The following SUCLG2 variants were observed in gnomAD, a reference collection of about 807,000 sequenced individuals.
SUCLG2 encodes the protein succinate-CoA ligase GDP-forming subunit beta.
A neutral mutation model predicts 47.9 loss-of-function variants in SUCLG2; 42 were observed. The ratio of observed to expected loss-of-function variants is 0.88; its 90% CI spans 0.69 to 1.14. The LOEUF (loss-of-function observed/expected upper bound fraction) is 1.14. SUCLG2 is among the 50% of genes most tolerant of loss of function. The pLI is 0.00. For missense variants in SUCLG2, 571 were observed against 525.9 expected (o/e 1.09, Z -0.84); for synonymous variants, 195 against 197.3 (o/e 0.99, Z 0.10).
chr3:67,475,988 CCT>C (rs113119377), intron 9 of SUCLG2, among the ~76,000 whole-genome samples: 3,413 of 145,150 alleles, frequency 0.024, 120 homozygotes, highest in African/African-American at 0.076. Context: ...TTTCCTTCTC[CCT>C]CTCTCTCTCT....
At chr3:67,597,854 C>T (rs1045527149) in intron 2 of SUCLG2, among the ~76,000 whole-genome samples, 1 of 151,970 alleles carries the variant, frequency 6.6e-6, no homozygotes, top group East Asian at 2.0e-4. Context: ...AGGAGAATCG[C>T]TTGAACCTGG....
At chr3:67,654,095 T>C (rs544983832) in intron 1 of SUCLG2, among the ~76,000 whole-genome samples, 1 of 152,314 alleles carries the variant, frequency 6.6e-6, no homozygotes, top group South Asian at 2.1e-4. Context: ...TATCACGTGG[T>C]CTAAACGTGC....
intron 9 of SUCLG2, among the ~76,000 whole-genome samples, chr3:67,458,708 A>G (rs1453563530): frequency 6.6e-6 from 1 of 152,208 alleles, no homozygotes; most frequent in African/African-American, 2.4e-5. Flanking sequence ...CCAACTGCCC[A>G]GGCCATCTGA....
chr3:67,606,325 A>G (rs7627391), intron 2 of SUCLG2, among the ~76,000 whole-genome samples: 74,328 of 152,112 alleles, frequency 0.49, 19,092 homozygotes, highest in African/African-American at 0.64. Context: ...CACTAAGTGC[A>G]TATCTCCAGG....
chr3:67,571,268 G>A (rs1707600086), intron 2 of SUCLG2, among the ~76,000 whole-genome samples: 1 of 152,128 alleles, frequency 6.6e-6, no homozygotes, highest in African/African-American at 2.4e-5. Flanking sequence ...TCCACCCTAG[G>A]GGATGGAGGC....
intron 2 of SUCLG2, among the ~76,000 whole-genome samples, chr3:67,539,364 T>C (rs1045222117): frequency 5.3e-5 from 8 of 152,318 alleles, no homozygotes; most frequent in African/African-American, 1.7e-4. Context: ...ATTATGTTAA[T>C]TGATTTGTGT....
At chr3:67,398,813 C>G (rs989303591) in intron 10 of SUCLG2, among the ~76,000 whole-genome samples, 3 of 152,086 alleles carry the variant, frequency 2.0e-5, no homozygotes, top group Admixed American at 6.6e-5. Context: ...AAATGTGGCT[C>G]ATATACACCA....
intron 7 of SUCLG2, among the ~76,000 whole-genome samples, chr3:67,507,922 G>A (rs1274263000): frequency 6.6e-6 from 1 of 152,180 alleles, no homozygotes; most frequent in Non-Finnish European, 1.5e-5. Flanking sequence ...GACAGCAAAA[G>A]CTTGTGAATT....
intron 10 of SUCLG2, among the ~76,000 whole-genome samples, chr3:67,384,767 CAT>C (rs530514516): frequency 6.8e-4 from 104 of 152,348 alleles, no homozygotes; most frequent in African/African-American, 2.3e-3. Context: ...CCCCTTCCCA[CAT>C]GTGTGGCTGG....
intron 9 of SUCLG2, among the ~76,000 whole-genome samples, chr3:67,441,237 G>T (rs1483649567): frequency 4.6e-5 from 7 of 152,076 alleles, no homozygotes; most frequent in Admixed American, 4.6e-4. Flanking sequence ...GGGCTGGGGG[G>T]CTAGGGGAGG....
chr3:67,521,377 T>C (rs917729006), intron 4 of SUCLG2, among the ~76,000 whole-genome samples: 1 of 152,162 alleles, frequency 6.6e-6, no homozygotes, highest in East Asian at 1.9e-4. Context: ...AGGGGACAAG[T>C]GGGATGGAAG....
rs1704341607 is a variant in SUCLG2 at position 67,461,771 on chromosome 3, G to C, written c.1062+34027C>G. ...ATTGCCAAATGTCCCCTGGGAGGTAGCATGGCCCCCAGCTGAGAACAGCTG... is the reference window on the plus strand; with the variant it reads ...ATTGCCAAATGTCCCCTGGGAGGTACCATGGCCCCCAGCTGAGAACAGCTG... On this transcript the variant is annotated intron_variant, in intron 9 of 10. Transcript: ENST00000307227. Among the ~76,000 whole-genome samples the C allele has an allele frequency of 2.0e-5, 3 of 152,084 alleles. No homozygotes were observed. In the South Asian group the frequency reaches 6.2e-4, roughly 32 times the overall value.
intron 9 of SUCLG2, among the ~76,000 whole-genome samples, chr3:67,418,246 C>T (rs116245596): frequency 0.017 from 2,596 of 152,252 alleles, 71 homozygotes; most frequent in African/African-American, 0.057. Flanking sequence ...AAGCCCAGTA[C>T]GTGGCAAGTG....
In SUCLG2 at chr3:67,636,596, C is replaced by T. The variant is rs567402503; in HGVS notation, c.84+17907G>A. Among the ~76,000 whole-genome samples the T allele has an allele frequency of 2.2e-4, 33 of 152,236 alleles. No individual in the cohort carries two copies. In the South Asian group the frequency reaches 2.7e-3, roughly 12 times the overall value. Reference sequence around the variant, plus strand: ...CTCGATCTCCTGACCTCGTGATCCACCTGCCTCGGCCTCCCAAAGTGCTGG... The same window carrying T: ...CTCGATCTCCTGACCTCGTGATCCATCTGCCTCGGCCTCCCAAAGTGCTGG... On this transcript the variant is annotated intron_variant, in intron 1 of 10. Transcript: ENST00000307227.
intron 1 of SUCLG2, among the ~76,000 whole-genome samples, chr3:67,634,004 T>C (rs1207776511): frequency 2.6e-5 from 4 of 152,328 alleles, no homozygotes; most frequent in South Asian, 2.1e-4. Context: ...TTTATAACCA[T>C]GGTGTTCAGA....
chr3:67,363,724 A>G lies in SUCLG2; in HGVS notation c.1184-2956T>C, dbSNP rs376899004. ...GCATGACTGTGGTTTTTGAAAAAATATGGTTTAAAAAAAGGGTAACTCAGC... is the reference window on the plus strand; with the variant it reads ...GCATGACTGTGGTTTTTGAAAAAATGTGGTTTAAAAAAAGGGTAACTCAGC... On this transcript the variant is annotated intron_variant, in intron 10 of 10. Transcript: ENST00000493112. 4.0e-4 allele frequency among the ~76,000 whole-genome samples: 61 copies of G among 152,248 alleles called. No homozygotes were observed. In the East Asian group the frequency reaches 8.1e-3, roughly 20 times the overall value.
chr3:67,507,651 G>A (rs115059671), intron 7 of SUCLG2, among the ~76,000 whole-genome samples: 1 of 152,208 alleles, frequency 6.6e-6, no homozygotes, highest in Non-Finnish European at 1.5e-5. Context: ...AAATGATAGT[G>A]TAGTTTCTCT....
At chr3:67,591,797 T>G (rs1037701643) in intron 2 of SUCLG2, among the ~76,000 whole-genome samples, 2 of 152,132 alleles carry the variant, frequency 1.3e-5, no homozygotes, top group African/African-American at 4.8e-5. Context: ...TGTGGAAAAA[T>G]CATAAACTGC....
At chr3:67,377,674 G>C (rs1318407059) in intron 10 of SUCLG2, among the ~76,000 whole-genome samples, 1 of 152,100 alleles carries the variant, frequency 6.6e-6, no homozygotes, top group Non-Finnish European at 1.5e-5. Context: ...TTGTTTTTGA[G>C]ATAGGCTCTC....
Sources: allele counts gnomAD v4.1 joint callset (sites outside exome capture counted in the v4.1 genomes callset), GRCh38; gene constraint gnomAD v4.1.1; transcripts MANE v1.5; gene names NCBI Gene and HGNC (gene_info 2026-07-23, HGNC 2026-07-21).